MED27: variants seen among roughly 807,000 people sequenced by gnomAD.
MED27 encodes mediator of RNA polymerase II transcription subunit 27.
In MED27, 30 loss-of-function variants were observed where a neutral mutation model predicts 38.2. The observed-to-expected ratio is 0.79, with a 90% CI of 0.59 to 1.07. The LOEUF (loss-of-function observed/expected upper bound fraction) is 1.07. Among genes scored for constraint, MED27 ranks in the 50% least tolerant of loss-of-function variants. The pLI, the probability that MED27 is intolerant of heterozygous loss-of-function variation, is 0.00. For missense variants in MED27, 289 were observed against 397.5 expected (o/e 0.73, Z 2.32); for synonymous variants, 122 against 153.5 (o/e 0.79, Z 1.52).
chr9:131,995,743 C>G (rs920876206), intron 3 of MED27, among the ~76,000 whole-genome samples: 3 of 152,180 alleles, frequency 2.0e-5, no homozygotes, highest in African/African-American at 7.2e-5. Context: ...TACCACCCAG[C>G]AGATGTGGTC....
intron 2 of MED27, among the ~76,000 whole-genome samples, chr9:132,025,691 C>T (rs1832802912): frequency 6.6e-6 from 1 of 152,186 alleles, no homozygotes; most frequent in Non-Finnish European, 1.5e-5. Context: ...CTACTCAATA[C>T]TATCTGATTA....
At chr9:132,000,004 C>T (rs1832184614) in intron 3 of MED27, among the ~76,000 whole-genome samples, 1 of 152,024 alleles carries the variant, frequency 6.6e-6, no homozygotes, top group Non-Finnish European at 1.5e-5. Context: ...CAATCTAAGA[C>T]AGGCTCTACA....
At chr9:131,895,467 G>T (rs897525141) in intron 4 of MED27, among the ~76,000 whole-genome samples, 4 of 152,072 alleles carry the variant, frequency 2.6e-5, no homozygotes, top group Non-Finnish European at 5.9e-5. Flanking sequence ...CCCATTCCTT[G>T]CAGTTTTCCA....
intron 3 of MED27, among the ~76,000 whole-genome samples, chr9:131,994,845 TGG>T (rs1832056481): frequency 1.3e-5 from 2 of 152,220 alleles, no homozygotes; most frequent in South Asian, 4.1e-4. Flanking sequence ...TGTGGTTGCC[TGG>T]GGGAATCCTA....
chr9:131,958,331 C>T (rs762778983), intron 3 of MED27, among the ~76,000 whole-genome samples: 6 of 151,736 alleles, frequency 4.0e-5, no homozygotes, highest in East Asian at 1.9e-4. Flanking sequence ...TGCACACCTC[C>T]GCCTCCCGAG....
intron 2 of MED27, chr9:132,032,143 C>T (rs1208835203): frequency 3.9e-5 from 6 of 152,176 alleles, no homozygotes; most frequent in Non-Finnish European, 8.8e-5. Context: ...GGCTCTGCCA[C>T]AAGCCCACGA....
chr9:131,865,640 T>C (rs1704822990), intron 6 of MED27, among the ~76,000 whole-genome samples: 1 of 152,176 alleles, frequency 6.6e-6, no homozygotes, highest in South Asian at 2.1e-4. Context: ...GTTCCGTAGC[T>C]CCGTGTGTGA....
intron 4 of MED27, among the ~76,000 whole-genome samples, chr9:131,928,724 C>T (rs755369153): frequency 1.8e-4 from 28 of 152,384 alleles, no homozygotes; most frequent in Non-Finnish European, 3.1e-4. Context: ...ACTTGAGTTT[C>T]TCAGCAAGCC....
chr9:131,969,792 G>T (rs1368716632), intron 3 of MED27, among the ~76,000 whole-genome samples: 1 of 152,186 alleles, frequency 6.6e-6, no homozygotes, highest in Non-Finnish European at 1.5e-5. Context: ...ATCTGATGGA[G>T]CCAGCATAAT....
At chr9:131,909,275 G>C (rs1830145418) in intron 4 of MED27, among the ~76,000 whole-genome samples, 1 of 152,170 alleles carries the variant, frequency 6.6e-6, no homozygotes, top group Non-Finnish European at 1.5e-5. Context: ...ATGTTAAATG[G>C]GCAGGCCAGG....
chr9:131,922,115 T>C (rs1241377570), intron 4 of MED27, among the ~76,000 whole-genome samples: 1 of 151,670 alleles, frequency 6.6e-6, no homozygotes, highest in Non-Finnish European at 1.5e-5. Flanking sequence ...GGCACATGTA[T>C]ACATATCTAA....
At chr9:131,935,123 GTAGT>G (rs1246125097) in intron 4 of MED27, among the ~76,000 whole-genome samples, 2 of 152,180 alleles carry the variant, frequency 1.3e-5, no homozygotes, top group South Asian at 2.1e-4. Flanking sequence ...GGTACAAAAA[GTAGT>G]TAGTAAAAAT....
chr9:131,907,616 T>C (rs1376673253), intron 4 of MED27, among the ~76,000 whole-genome samples: 4 of 152,092 alleles, frequency 2.6e-5, no homozygotes, highest in African/African-American at 4.8e-5. Flanking sequence ...AGTGCCGAGA[T>C]TGCAGCCTCT....
intron 4 of MED27, among the ~76,000 whole-genome samples, chr9:131,920,193 AC>A (rs1255177151): frequency 6.6e-6 from 1 of 152,108 alleles, no homozygotes; most frequent in Admixed American, 6.5e-5. Flanking sequence ...ATCTTGCCCC[AC>A]CCACCATGAC....
chr9:131,917,910 TA>T lies in MED27; in HGVS notation c.573+21470del, dbSNP rs1830323026. Among the ~76,000 whole-genome samples the T allele has an allele frequency of 6.6e-6, 1 of 152,210 alleles. No individual in the cohort carries two copies. Among genetic ancestry groups the T allele is most frequent in the African/African-American group, 2.4e-5 (1 of 41,450 alleles). ...ATAAAAATAAAGGTAGTGGTAGTAC[TA>T]TGCATTCACTCAACCCACTTTTCTA... On this transcript the variant is annotated intron_variant, in intron 4 of 7. Transcript: ENST00000292035. The surrounding 1 kb of genome is among the most constrained non-coding windows in gnomAD (Gnocchi z 4.6).
At chr9:131,907,529 GC>G (rs1328220906) in intron 4 of MED27, among the ~76,000 whole-genome samples, 2 of 152,212 alleles carry the variant, frequency 1.3e-5, no homozygotes, top group African/African-American at 4.8e-5. Flanking sequence ...GCTCAATGGT[GC>G]CCAGGCTGGA....
chr9:132,062,949 C>T (rs557284993), intron 2 of MED27, among the ~76,000 whole-genome samples: 11 of 152,266 alleles, frequency 7.2e-5, no homozygotes, highest in South Asian at 2.1e-4. Flanking sequence ...AAGACAGTTA[C>T]GTAATCAAAC....
chr9:132,076,336 T>C (rs1462206365), intron 2 of MED27, among the ~76,000 whole-genome samples: 1 of 152,122 alleles, frequency 6.6e-6, no homozygotes, highest in Non-Finnish European at 1.5e-5. Context: ...GGGGAAAGGC[T>C]TTACAGGCTA....
At chr9:132,013,292 T>C (rs909406511) in intron 3 of MED27, among the ~76,000 whole-genome samples, 7 of 152,206 alleles carry the variant, frequency 4.6e-5, no homozygotes, top group African/African-American at 1.7e-4. Flanking sequence ...CTAACACATA[T>C]GATGTTGAGT....
Sources: allele counts gnomAD v4.1 joint callset (sites outside exome capture counted in the v4.1 genomes callset), GRCh38; gene constraint gnomAD v4.1.1; non-coding constraint Gnocchi (gnomAD v3.1); transcripts MANE v1.5; gene names NCBI Gene and HGNC (gene_info 2026-07-23, HGNC 2026-07-21).